The following HECW1 variants were observed in gnomAD, a reference collection of about 807,000 sequenced individuals.
HECW1 encodes the protein HECT, C2 and WW domain containing E3 ubiquitin protein ligase 1, also known as E3 ubiquitin-protein ligase HECW1.
HECW1 carries 61 observed loss-of-function variants against 182.3 expected under a neutral mutation model. The observed-to-expected ratio is 0.33, with a 90% CI of 0.27 to 0.41. The LOEUF is 0.41. Ranked by LOEUF, HECW1 falls within the 10% of genes least tolerant of loss-of-function variation. The probability of loss-of-function intolerance (pLI) is 1.00; values close to 1 mark genes in which losing one functional copy is unlikely to be tolerated. For synonymous variants in HECW1, 859 were observed against 832.6 expected, an observed-to-expected ratio of 1.03 and a Z score of -0.55; for missense variants, 1,739 against 2,108.9, an observed-to-expected ratio of 0.82 and a Z score of 3.44.
intron 2 of HECW1, among the ~76,000 whole-genome samples, chr7:43,166,799 T>C (rs1463250215): frequency 6.6e-6 from 1 of 152,152 alleles, no homozygotes; most frequent in East Asian, 1.9e-4. Context: ...TTGATCTTAA[T>C]TAATTACCAG....
At chr7:43,193,434 T>G (rs1038250304) in intron 2 of HECW1, among the ~76,000 whole-genome samples, 3 of 152,196 alleles carry the variant, frequency 2.0e-5, no homozygotes, top group African/African-American at 7.2e-5. Flanking sequence ...CAGGCTGGAG[T>G]GCAATGGTGC....
At chr7:43,438,418 G>A (rs1345141026) in intron 9 of HECW1, 2 of 241,780 alleles carry the variant, frequency 8.3e-6, no homozygotes, top group Non-Finnish European at 1.6e-5. Context: ...ATTAAAAGAA[G>A]CCCTCAATGG....
At chr7:43,331,274 T>C (rs1031890848) in intron 5 of HECW1, among the ~76,000 whole-genome samples, 1 of 152,062 alleles carries the variant, frequency 6.6e-6, no homozygotes, top group Non-Finnish European at 1.5e-5. Flanking sequence ...CTCAGAATGA[T>C]GGTTTCTAGC....
At chr7:43,426,488 A>G (rs193152306) in intron 8 of HECW1, among the ~76,000 whole-genome samples, 1 of 152,286 alleles carries the variant, frequency 6.6e-6, no homozygotes, top group East Asian at 1.9e-4. Context: ...TGGAAGACAT[A>G]TTTTAGTATT....
chr7:43,117,255 T>C (rs1785128731), intron 2 of HECW1, among the ~76,000 whole-genome samples: 1 of 152,228 alleles, frequency 6.6e-6, no homozygotes, highest in East Asian at 1.9e-4. Flanking sequence ...GTTTCACAGC[T>C]GAATAACTCT....
chr7:43,374,088 T>G (rs975150695), intron 6 of HECW1, among the ~76,000 whole-genome samples: 1 of 152,212 alleles, frequency 6.6e-6, no homozygotes, highest in Non-Finnish European at 1.5e-5. Context: ...TTGAGGAAAC[T>G]CCACTGGTTA....
At chr7:43,264,842 T>TAAAAAA (rs36094358) in intron 3 of HECW1, among the ~76,000 whole-genome samples, 9 of 129,158 alleles carry the variant, frequency 7.0e-5, no homozygotes, top group African/African-American at 2.7e-4. Flanking sequence ...AGACTCGGTT[T>TAAAAAA]AAAAAAAAAA....
intron 2 of HECW1, among the ~76,000 whole-genome samples, chr7:43,171,497 C>A (rs1449402648): frequency 1.3e-5 from 2 of 152,086 alleles, no homozygotes; most frequent in Admixed American, 6.5e-5. Context: ...GGAAAGACGA[C>A]CCTCAGGGGC....
chr7:43,274,640 G>A, intron 3 of HECW1: 1 of 349,590 alleles, frequency 2.9e-6, no homozygotes, highest in South Asian at 2.4e-5. Context: ...CCCGGGGGAG[G>A]GAGGGAGAGA....
intron 8 of HECW1, among the ~76,000 whole-genome samples, chr7:43,431,302 A>T (rs949873205): frequency 7.9e-5 from 12 of 152,092 alleles, no homozygotes; most frequent in Non-Finnish European, 1.6e-4. Flanking sequence ...TATTTCCATC[A>T]TTCTGTTCCT....
chr7:43,557,532 T>A (rs187452791), intron 29 of HECW1, among the ~76,000 whole-genome samples: 140 of 152,200 alleles, frequency 9.2e-4, no homozygotes, highest in Non-Finnish European at 1.7e-3. Context: ...GTCACTGGAG[T>A]TGAGGTCAAG....
intron 15 of HECW1, among the ~76,000 whole-genome samples, chr7:43,468,258 C>T (rs983626280): frequency 1.3e-5 from 2 of 152,068 alleles, no homozygotes; most frequent in Non-Finnish European, 2.9e-5. Flanking sequence ...CCCCAGAGGC[C>T]CTAAATTAAT....
At chr7:43,376,265 A>C (rs759272708) in intron 6 of HECW1, among the ~76,000 whole-genome samples, 2 of 152,176 alleles carry the variant, frequency 1.3e-5, no homozygotes, top group Non-Finnish European at 2.9e-5. Context: ...TATAAACAGA[A>C]GAAAAATGTC....
chr7:43,324,347 A>G (rs1810514640), intron 5 of HECW1, among the ~76,000 whole-genome samples: 1 of 152,232 alleles, frequency 6.6e-6, no homozygotes, highest in Non-Finnish European at 1.5e-5. Flanking sequence ...ATTAATATAA[A>G]TAAAATAAGA....
intron 2 of HECW1, among the ~76,000 whole-genome samples, chr7:43,166,485 G>T (rs1489952679): frequency 6.6e-6 from 1 of 152,198 alleles, no homozygotes; most frequent in African/African-American, 2.4e-5. Context: ...GCCAGCTGCA[G>T]GGTGGAGATG....
At chr7:43,556,775 T>C (rs1050749233) in intron 29 of HECW1, among the ~76,000 whole-genome samples, 3 of 152,148 alleles carry the variant, frequency 2.0e-5, no homozygotes, top group African/African-American at 7.2e-5. Context: ...TCATTGCTTC[T>C]GTTATCTGGG....
chr7:43,390,397 C>T (rs191412112), intron 6 of HECW1, among the ~76,000 whole-genome samples: 54 of 152,034 alleles, frequency 3.6e-4, no homozygotes, highest in African/African-American at 1.3e-3. Context: ...TTTAATTTGC[C>T]AGGCATGGTG....
chr7:43,434,149 T>C (rs1209381326), intron 8 of HECW1, among the ~76,000 whole-genome samples: 1 of 152,238 alleles, frequency 6.6e-6, no homozygotes, highest in Non-Finnish European at 1.5e-5. Flanking sequence ...AGGACAATCA[T>C]AGATTTTGTC....
chr7:43,204,993 CA>C, intron 2 of HECW1, among the ~76,000 whole-genome samples: 1 of 152,086 alleles, frequency 6.6e-6, no homozygotes, highest in South Asian at 2.1e-4. Flanking sequence ...CAAACGGGCA[CA>C]GAAAGAATAT....
Sources: gnomAD v4.1 joint callset for allele counts (sites outside exome capture counted in the v4.1 genomes callset) on GRCh38, gnomAD v4.1.1 for gene constraint, MANE v1.5 for transcripts, NCBI Gene and HGNC (gene_info 2026-07-23, HGNC 2026-07-21) for gene names.